Variants in LYPD5 observed in about 807,000 individuals in gnomAD.
LYPD5 encodes LY6/PLAUR domain containing 5, also known as ly6/PLAUR domain-containing protein 5.
LYPD5 carries 21 observed loss-of-function variants against 19.1 expected under a neutral mutation model. The ratio of observed to expected loss-of-function variants is 1.10; its 90% CI spans 0.78 to 1.58. LYPD5 has a LOEUF of 1.58. Among genes scored for constraint, LYPD5 ranks in the 40% most tolerant of loss-of-function variants. The pLI, the probability that LYPD5 is intolerant of heterozygous loss-of-function variation, is 0.00. For missense variants in LYPD5, 287 were observed against 329.8 expected, an observed-to-expected ratio of 0.87 and a Z score of 1.00; for synonymous variants, 128 against 142.7, an observed-to-expected ratio of 0.90 and a Z score of 0.74.
rs1017182047 is a variant in LYPD5 at position 43,797,358 on chromosome 19, A to G, written c.*233T>C. On this transcript the variant is annotated 3_prime_UTR_variant, in exon 5 of 5. Coordinates refer to ENST00000377950, the MANE Select transcript of LYPD5 (RefSeq NM_001031749.3). ...ACAGCTGTGATCAGAATTGCTCTTCATCGGGGCACGACATGGCTGTTTTGC... is the reference window on the plus strand; with the variant it reads ...ACAGCTGTGATCAGAATTGCTCTTCGTCGGGGCACGACATGGCTGTTTTGC... 22 of 523,028 alleles carry G rather than the reference A, an allele frequency of 4.2e-5. No individual in the cohort carries two copies. Among genetic ancestry groups the G allele is most frequent in the African/African-American group, 3.8e-4 (20 of 52,386 alleles). The allele number at this position is 523,028 out of a possible 1,614,324, so 32.4% of individuals were successfully genotyped here.
upstream of LYPD5, among the ~76,000 whole-genome samples, chr19:43,805,875 A>G (rs993568978): frequency 6.6e-6 from 1 of 150,858 alleles, no homozygotes; most frequent in East Asian, 1.9e-4. Context: ...TCAGATCTTA[A>G]TTTTCTTTTA....
chr19:43,820,136 CTTT>C (rs2146512110), intron 1 of LYPD5, among the ~76,000 whole-genome samples: 1 of 152,316 alleles, frequency 6.6e-6, no homozygotes, highest in African/African-American at 2.4e-5. Flanking sequence ...GCACTTTCTT[CTTT>C]TTGACACATA....
chr19:43,797,391 G>T lies in LYPD5; in HGVS notation c.*200C>A, dbSNP rs10416177. 342,120 of 566,766 alleles carry T rather than the reference G, an allele frequency of 0.6. 104,160 individuals are homozygous for T. Among genetic ancestry groups the T allele is most frequent in the South Asian group, 0.76 (32,277 of 42,214 alleles). 35.1% of individuals were successfully genotyped at this position (566,766 alleles called of 1,614,324 possible). On this transcript the variant is annotated 3_prime_UTR_variant, in exon 5 of 5. Transcript: ENST00000377950. ...ACGACATGGCTGTTTTGCCCTCCCCGGGGATGCTGGTGACTGTGTCCAGTT... is the reference window on the plus strand; with the variant it reads ...ACGACATGGCTGTTTTGCCCTCCCCTGGGATGCTGGTGACTGTGTCCAGTT...
chr19:43,798,727 G>A lies in LYPD5; in HGVS notation c.370+85C>T, dbSNP rs1268765074. ...TTGGGATCCTAGCGCGCCAAGAGCA[G>A]GCGCCCAGCGGAGGCCACGCCTTCC... is the stretch of plus-strand genomic sequence containing the variant. On this transcript the variant is annotated intron_variant, in intron 3 of 4. Transcript: ENST00000377950. The A allele has an allele frequency of 3.2e-6, 5 of 1,567,526 alleles. No individual in the cohort carries two copies. In the African/African-American group the frequency reaches 5.4e-5, roughly 17 times the overall value.
intron 1 of LYPD5, 145 bp downstream of exon 1, chr19:43,802,172 C>G: frequency 1.6e-6 from 1 of 620,776 alleles, no homozygotes; most frequent in Admixed American, 2.8e-5. Flanking sequence ...GCCCCCAGCC[C>G]CCTCCTCCCT....
At chr19:43,811,602 C>T (rs1171798183) in intron 1 of LYPD5, among the ~76,000 whole-genome samples, 2 of 152,074 alleles carry the variant, frequency 1.3e-5, no homozygotes, top group Non-Finnish European at 2.9e-5. Context: ...AGGAGAATGG[C>T]TTGGACCTGG....
chr19:43,797,480 C>A lies in LYPD5; in HGVS notation c.*111G>T, dbSNP rs1036496732. ...CGGGAGAGATGGAAGGCCAGAGGGA[C>A]AGGAGTGCAATTCTTACTTTAACAT... On this transcript the variant is annotated 3_prime_UTR_variant, in exon 5 of 5. Transcript: ENST00000377950. 1 of 888,646 alleles carries A rather than the reference C, an allele frequency of 1.1e-6. No homozygotes were observed. The allele number at this position is 888,646 out of a possible 1,614,324, so 55.0% of individuals were successfully genotyped here.
At chr19:43,807,580 C>G (rs1362734721) in intron 1 of LYPD5, among the ~76,000 whole-genome samples, 1 of 152,168 alleles carries the variant, frequency 6.6e-6, no homozygotes, top group Non-Finnish European at 1.5e-5. Flanking sequence ...CCGCGCCTGG[C>G]CCACCTTCTA....
Position 43,798,776 on chromosome 19 carries a change from G to T in LYPD5, c.370+36C>A, listed in dbSNP as rs186873619. 3.2e-6 allele frequency: 5 copies of T among 1,582,842 alleles called. No homozygotes were observed. The Admixed American group carries it at 7.3e-5, about 23-fold the overall frequency. On this transcript the variant is annotated intron_variant, in intron 3 of 4. Coordinates refer to ENST00000377950, the MANE Select transcript of LYPD5 (RefSeq NM_001031749.3). Reference sequence around the variant, plus strand: ...CCCCGAGGCTGCCAGGCCTCTCATCGTCCCTCCCGGAGCCCAGCCCCGCTC... The same window carrying T: ...CCCCGAGGCTGCCAGGCCTCTCATCTTCCCTCCCGGAGCCCAGCCCCGCTC...
chr19:43,799,923 G>A (rs1024400400), intron 1 of LYPD5, 89 bp from the exon 2 acceptor site: 19 of 1,440,722 alleles, frequency 1.3e-5, no homozygotes, highest in African/African-American at 5.7e-5. Context: ...ACAGGCACAC[G>A]GGCCTGGCCC....
chr19:43,803,601 A>G (rs932745394), upstream of LYPD5, among the ~76,000 whole-genome samples: 1 of 137,172 alleles, frequency 7.3e-6, no homozygotes, highest in Non-Finnish European at 1.7e-5. Context: ...AACTTTAGAC[A>G]GGTTTCTTCC....
At chr19:43,803,779 C>A (rs1970248335), upstream of LYPD5, among the ~76,000 whole-genome samples, 1 of 152,094 alleles carries the variant, frequency 6.6e-6, no homozygotes, top group South Asian at 2.1e-4. Flanking sequence ...GGATGCAGAA[C>A]CCCATAGACA....
chr19:43,818,494 A>G (rs929478404), intron 1 of LYPD5, among the ~76,000 whole-genome samples: 4 of 152,148 alleles, frequency 2.6e-5, no homozygotes, highest in African/African-American at 9.7e-5. Flanking sequence ...TGGTTCATGA[A>G]ATGTTTGTCC....
At chr19:43,803,027 A>G (rs796172947), upstream of LYPD5, among the ~76,000 whole-genome samples, 7 of 152,326 alleles carry the variant, frequency 4.6e-5, no homozygotes, top group African/African-American at 1.7e-4. Context: ...AGAGACATAC[A>G]GGGAGAGACA....
upstream of LYPD5, chr19:43,802,551 A>T: frequency 1.8e-6 from 1 of 569,658 alleles, no homozygotes; most frequent in Non-Finnish European, 3.2e-6. Context: ...AAACAGGGTG[A>T]TCCTCAGTTG....
rs751631008 is a variant in LYPD5 at position 43,798,833 on chromosome 19, C to A, written c.349G>T (p.Ala117Ser). The change falls in exon 3 of 5, where the codon GCC becomes TCC. Residue 117 changes from alanine (A) to serine (S), a missense_variant. Transcript: ENST00000377950. ...KCNAHLMTHDALPNLSQAPDP... is the reference protein window; with the variant it reads ...KCNAHLMTHDSLPNLSQAPDP... ...GCACCTTGGCTCAGGTTGGGGAGGGCGTCATGAGTCATGAGGTGGGCGTTG... is the reference window on the plus strand; with the variant it reads ...GCACCTTGGCTCAGGTTGGGGAGGGAGTCATGAGTCATGAGGTGGGCGTTG... The A allele has an allele frequency of 1.9e-5, 30 of 1,610,534 alleles. No individual in the cohort carries two copies. The East Asian group carries it at 5.4e-4, about 29-fold the overall frequency.
At chr19:43,818,972 A>C (rs1394617783) in intron 1 of LYPD5, among the ~76,000 whole-genome samples, 2 of 152,094 alleles carry the variant, frequency 1.3e-5, no homozygotes, top group African/African-American at 2.4e-5. Context: ...ATCTGTTTTC[A>C]AATTTATTCT....
At position 43,799,690 on chromosome 19, in the gene LYPD5, G is replaced by C; in HGVS notation, c.193+16C>G. The C allele has an allele frequency of 6.2e-7, 1 of 1,608,078 alleles. No homozygotes were observed. The highest frequency in any genetic ancestry group is 8.5e-7 in the Non-Finnish European group (1 of 1,177,532). On this transcript the variant is annotated intron_variant, in intron 2 of 4. Coordinates refer to ENST00000377950, the MANE Select transcript of LYPD5 (RefSeq NM_001031749.3). ...CCCTAATCTCTCATCCCTGTCCCCC[G>C]GCTCCCGCTCCTTACCGGTGTCCAG... is the stretch of plus-strand genomic sequence containing the variant.
At chr19:43,799,587 C>T in intron 2 of LYPD5, 119 bp downstream of exon 2, 2 of 1,139,018 alleles carry the variant, frequency 1.8e-6, no homozygotes, top group Non-Finnish European at 2.5e-6. Context: ...TCCTCTCCCT[C>T]CCCATCTTTC....
Sources: gnomAD v4.1 joint callset for allele counts (sites outside exome capture counted in the v4.1 genomes callset) on GRCh38, gnomAD v4.1.1 for gene constraint, MANE v1.5 for transcripts, NCBI Gene and HGNC (gene_info 2026-07-23, HGNC 2026-07-21) for gene names.